Variants in MACROD2 observed in about 807,000 individuals in gnomAD.
The protein encoded by MACROD2 is ADP-ribose glycohydrolase MACROD2.
MACROD2 carries 36 observed loss-of-function variants against 70.4 expected under a neutral mutation model. The observed-to-expected ratio is 0.51, with a 90% CI of 0.39 to 0.68. MACROD2 has a LOEUF of 0.68. Ranked by LOEUF, MACROD2 falls within the 30% of genes least tolerant of loss-of-function variation. The pLI, the probability that MACROD2 is intolerant of heterozygous loss-of-function variation, is 0.00. For synonymous variants in MACROD2, 172 were observed against 178.8 expected, an observed-to-expected ratio of 0.96 and a Z score of 0.30; for missense variants, 496 against 538.4, an observed-to-expected ratio of 0.92 and a Z score of 0.78.
intron 4 of MACROD2, among the ~76,000 whole-genome samples, chr20:14,613,486 A>G (rs369520788): frequency 7.6e-4 from 116 of 152,188 alleles, no homozygotes; most frequent in African/African-American, 2.6e-3. Flanking sequence ...GGATGAGAGC[A>G]GTGGGGAGGA....
At chr20:15,577,608 TCTCCGTGCGTGCGTA>T (rs2048466490) in intron 8 of MACROD2, among the ~76,000 whole-genome samples, 1 of 151,872 alleles carries the variant, frequency 6.6e-6, no homozygotes, top group Non-Finnish European at 1.5e-5. Flanking sequence ...TTGTCTTTCT[TCTCCGTGCGTGCGTA>T]CTCCCTGCGT....
chr20:15,128,162 G>A (rs1431201627), intron 5 of MACROD2, among the ~76,000 whole-genome samples: 2 of 152,084 alleles, frequency 1.3e-5, no homozygotes, highest in African/African-American at 4.8e-5. Flanking sequence ...AGAGGCAGGT[G>A]TTTTAGCTCT....
intron 5 of MACROD2, among the ~76,000 whole-genome samples, chr20:14,689,490 A>C (rs549046714): frequency 2.0e-5 from 3 of 152,144 alleles, no homozygotes; most frequent in Non-Finnish European, 2.9e-5. Context: ...TCAAAATCCG[A>C]TAGTGGATTT....
intron 5 of MACROD2, among the ~76,000 whole-genome samples, chr20:14,844,712 A>G (rs2073122091): frequency 6.6e-6 from 1 of 152,036 alleles, no homozygotes; most frequent in Non-Finnish European, 1.5e-5. Context: ...GTCCTAGGCA[A>G]ACTGGTCCTT....
intron 8 of MACROD2, among the ~76,000 whole-genome samples, chr20:15,583,446 C>G (rs951627182): frequency 6.6e-6 from 1 of 152,180 alleles, no homozygotes; most frequent in African/African-American, 2.4e-5. Flanking sequence ...TGCAATCCTG[C>G]TTCATTTTCT....
At chr20:15,138,311 C>G (rs572085522) in intron 5 of MACROD2, among the ~76,000 whole-genome samples, 5 of 152,076 alleles carry the variant, frequency 3.3e-5, no homozygotes, top group Non-Finnish European at 1.5e-5. Context: ...CAATATTCCA[C>G]AAGGGTCCAT....
At chr20:14,319,388 T>C in intron 3 of MACROD2, among the ~76,000 whole-genome samples, 1 of 152,214 alleles carries the variant, frequency 6.6e-6, no homozygotes. Flanking sequence ...CCTGTCTTCA[T>C]TGTAGATTCC....
chr20:14,086,556 C>G (rs1049628976), intron 3 of MACROD2, among the ~76,000 whole-genome samples: 2 of 152,014 alleles, frequency 1.3e-5, no homozygotes, highest in Admixed American at 6.6e-5. Context: ...ATTGTGTTAT[C>G]GGGAATGTTT....
chr20:15,336,941 T>C (rs957320572), intron 6 of MACROD2, among the ~76,000 whole-genome samples: 1 of 151,822 alleles, frequency 6.6e-6, no homozygotes, highest in Non-Finnish European at 1.5e-5. Flanking sequence ...ACACAACTAT[T>C]TCCTTGAGTA....
In MACROD2 at chr20:15,345,843, T is replaced by C. The variant is rs570155605; in HGVS notation, c.541-85562T>C. Among the ~76,000 whole-genome samples, 17 of 152,288 alleles carry C rather than the reference T, an allele frequency of 1.1e-4. No homozygotes were observed. The South Asian group carries it at 3.3e-3, about 30-fold the overall frequency. ...AGTTGCTGCTCAGAAGACAGTGCAATGGACCATTCTGGTTGTTTAGGCATC... is the reference window on the plus strand; with the variant it reads ...AGTTGCTGCTCAGAAGACAGTGCAACGGACCATTCTGGTTGTTTAGGCATC... On this transcript the variant is annotated intron_variant, in intron 6 of 17. Coordinates refer to ENST00000684519, the MANE Select transcript of MACROD2 (RefSeq NM_001351661.2).
rs112605885 is a variant in MACROD2 at position 15,887,411 on chromosome 20, G to T, written c.775+1600G>T. On this transcript the variant is annotated intron_variant, in intron 10 of 17. Coordinates refer to ENST00000684519, the MANE Select transcript of MACROD2 (RefSeq NM_001351661.2). Reference sequence around the variant, plus strand: ...CTAAAAGTCAGGAGCAGGAATAAAGGAGGTAGAAGAGGAACTGTAGCAGTG... The same window carrying T: ...CTAAAAGTCAGGAGCAGGAATAAAGTAGGTAGAAGAGGAACTGTAGCAGTG... 2.3e-3 allele frequency among the ~76,000 whole-genome samples: 347 copies of T among 152,272 alleles called. 2 individuals carry two copies. The highest frequency in any genetic ancestry group is 7.9e-3 in the African/African-American group (327 of 41,558).
rs547994567 is a variant in MACROD2, at chr20:15,734,697, T to C, written c.646-128048T>C. On this transcript the variant is annotated intron_variant, in intron 8 of 17. Transcript: ENST00000684519. Reference sequence around the variant, plus strand: ...TTACCTATTTCTTGTCCCTTTTATATAATTTCTGGCATATGTGTCTATATA... The same window carrying C: ...TTACCTATTTCTTGTCCCTTTTATACAATTTCTGGCATATGTGTCTATATA... Among the ~76,000 whole-genome samples the C allele has an allele frequency of 2.0e-4, 31 of 152,338 alleles. No individual in the cohort carries two copies. In the East Asian group the frequency reaches 5.6e-3, roughly 27 times the overall value.
intron 5 of MACROD2, among the ~76,000 whole-genome samples, chr20:14,755,867 A>T (rs1473297553): frequency 6.6e-6 from 1 of 152,048 alleles, no homozygotes; most frequent in Non-Finnish European, 1.5e-5. Context: ...TCTGAACATA[A>T]CATTTGTTAT....
chr20:14,752,083 C>CTTTT (rs11482637), intron 5 of MACROD2, among the ~76,000 whole-genome samples: 2 of 126,868 alleles, frequency 1.6e-5, no homozygotes, highest in African/African-American at 2.9e-5. Flanking sequence ...ATCTCCTCAT[C>CTTTT]TTTTTTTTTT....
chr20:15,871,815 A>AAT (rs1471089276), intron 9 of MACROD2, among the ~76,000 whole-genome samples: 2 of 152,072 alleles, frequency 1.3e-5, no homozygotes, highest in African/African-American at 4.8e-5. Flanking sequence ...AAATTTTGAC[A>AAT]CTCTTGTCAA....
At chr20:14,802,482 A>G (rs747629413) in intron 5 of MACROD2, among the ~76,000 whole-genome samples, 5 of 151,626 alleles carry the variant, frequency 3.3e-5, no homozygotes, top group Non-Finnish European at 5.9e-5. Flanking sequence ...CTTAGCACAC[A>G]CTGTTGATAC....
At chr20:15,368,555 A>C (rs1411411398) in intron 6 of MACROD2, among the ~76,000 whole-genome samples, 6 of 147,258 alleles carry the variant, frequency 4.1e-5, no homozygotes, top group African/African-American at 1.3e-4. Context: ...TCTGCCTCCC[A>C]GGTTCACAAG....
intron 12 of MACROD2, among the ~76,000 whole-genome samples, chr20:15,964,486 C>T (rs373930564): frequency 2.2e-4 from 33 of 152,142 alleles, no homozygotes; most frequent in African/African-American, 7.0e-4. Context: ...CTTTATGATC[C>T]GATCACCTTC....
intron 4 of MACROD2, among the ~76,000 whole-genome samples, chr20:14,587,843 C>T (rs189942039): frequency 6.6e-6 from 1 of 152,110 alleles, no homozygotes; most frequent in Admixed American, 6.5e-5. Flanking sequence ...ATATAGTTTA[C>T]ATACAATAAA....
Sources: gnomAD v4.1 joint callset for allele counts (sites outside exome capture counted in the v4.1 genomes callset) on GRCh38, gnomAD v4.1.1 for gene constraint, MANE v1.5 for transcripts, NCBI Gene and HGNC (gene_info 2026-07-23, HGNC 2026-07-21) for gene names.